Variants in FBL observed in about 807,000 individuals in gnomAD.
FBL encodes the protein fibrillarin rRNA 2'-O-methyltransferase.
A neutral mutation model predicts 42.2 loss-of-function variants in FBL; 10 were observed. The observed-to-expected ratio is 0.24, with a 90% CI of 0.15 to 0.40. The LOEUF (loss-of-function observed/expected upper bound fraction) is 0.40, where lower values mean the gene tolerates loss of function less well. FBL is among the 10% of genes least tolerant of loss of function. The probability of loss-of-function intolerance (pLI) is 1.00; values close to 1 mark genes in which losing one functional copy is unlikely to be tolerated. For synonymous variants in FBL, 165 were observed against 165.4 expected (o/e 1.00, Z 0.02); for missense variants, 351 against 439.2 (o/e 0.80, Z 1.79).
rs1007497658 is a variant in FBL at position 39,840,967 on chromosome 19, A to G, written c.11-180T>C. Among the ~76,000 whole-genome samples the G allele has an allele frequency of 1.3e-5, 2 of 152,260 alleles. No homozygotes were observed. Among genetic ancestry groups the G allele is most frequent in the Non-Finnish European group, 2.9e-5 (2 of 68,036 alleles). Reference sequence around the variant, plus strand: ...AAGACTAACCCAAATGTCCATCAATAGAATGGGCAAATAAAATAGAAGACA... The same window carrying G: ...AAGACTAACCCAAATGTCCATCAATGGAATGGGCAAATAAAATAGAAGACA... On this transcript the variant is annotated intron_variant, in intron 1 of 8. Coordinates refer to ENST00000221801, the MANE Select transcript of FBL (RefSeq NM_001436.4). The surrounding 1 kb of genome is among the most constrained non-coding windows in gnomAD (Gnocchi z 4.5).
chr19:39,842,089 CT>C (rs35883024), intron 1 of FBL, among the ~76,000 whole-genome samples: 217 of 142,750 alleles, frequency 1.5e-3, no homozygotes, highest in African/African-American at 2.3e-3. Context: ...CATAAGCTTG[CT>C]TTTTTTTTTT....
intron 1 of FBL, among the ~76,000 whole-genome samples, chr19:39,845,132 A>G (rs1028922505): frequency 6.6e-6 from 1 of 152,106 alleles, no homozygotes; most frequent in Non-Finnish European, 1.5e-5. Flanking sequence ...CCACACAAAC[A>G]CACACACAAA....
At chr19:39,835,689 C>G (rs1398851976) in intron 7 of FBL, among the ~76,000 whole-genome samples, 2 of 151,956 alleles carry the variant, frequency 1.3e-5, no homozygotes, top group Non-Finnish European at 2.9e-5. Flanking sequence ...ACTTTGGGAG[C>G]CTGAGACAGG....
At chr19:39,838,051 G>A in intron 5 of FBL, 1 of 515,480 alleles carries the variant, frequency 1.9e-6, no homozygotes, top group South Asian at 2.4e-5. Flanking sequence ...TCAGCAAGTA[G>A]CAAAAGTACC....
rs778901764 is a variant in FBL, at chr19:39,840,795, G to A, written c.11-8C>T. ...CCCCACGGGGACTGAATCCTGTGGG[G>A]GAAACAAAACAGGAGTCAGGGCAAT... is the stretch of plus-strand genomic sequence containing the variant. On this transcript the variant is annotated splice_region_variant and splice_polypyrimidine_tract_variant and intron_variant, in intron 1 of 8. Transcript: ENST00000221801. This position sits in a 1 kb window ranked among gnomAD's most constrained non-coding sequence, Gnocchi z 4.5. The A allele has an allele frequency of 2.6e-6, 4 of 1,534,676 alleles. No individual in the cohort carries two copies. The South Asian group carries it at 4.8e-5, about 19-fold the overall frequency.
intron 1 of FBL, among the ~76,000 whole-genome samples, chr19:39,844,176 A>G (rs944361112): frequency 6.6e-6 from 1 of 152,174 alleles, no homozygotes; most frequent in African/African-American, 2.4e-5. Context: ...TGAAACAGCA[A>G]CTCAGATCTC....
In FBL at chr19:39,840,794, G is replaced by A. The variant is rs1464054298; in HGVS notation, c.11-7C>T. The A allele has an allele frequency of 4.6e-6, 7 of 1,535,726 alleles. No individual in the cohort carries two copies. Among genetic ancestry groups the A allele is most frequent in the South Asian group, 2.4e-5 (2 of 82,720 alleles). ...CCCCCACGGGGACTGAATCCTGTGG[G>A]GGAAACAAAACAGGAGTCAGGGCAA... On this transcript the variant is annotated splice_region_variant and splice_polypyrimidine_tract_variant and intron_variant, in intron 1 of 8. Coordinates refer to ENST00000221801, the MANE Select transcript of FBL (RefSeq NM_001436.4). The surrounding 1 kb of genome is among the most constrained non-coding windows in gnomAD (Gnocchi z 4.5).
intron 1 of FBL, 72 bp downstream of exon 1, chr19:39,846,219 C>T: frequency 1.3e-6 from 2 of 1,588,490 alleles, no homozygotes; most frequent in Non-Finnish European, 1.7e-6. Context: ...CCCCACCCCT[C>T]CGATTCTGGC....
chr19:39,836,432 A>G, intron 7 of FBL, 124 bp downstream of exon 7: 1 of 594,172 alleles, frequency 1.7e-6, no homozygotes, highest in Non-Finnish European at 2.9e-6. Context: ...GCCTCTTTAA[A>G]TCCAAAGCTA....
At chr19:39,838,827 C>T (rs1263126651) in intron 5 of FBL, 10 of 543,880 alleles carry the variant, frequency 1.8e-5, no homozygotes, top group East Asian at 6.0e-5. Flanking sequence ...CCCACACCCA[C>T]GTCTCTTCCC....
rs550579932 is a variant in FBL at position 39,840,712 on chromosome 19, C to A, written c.86G>T (p.Gly29Val). 5.1e-6 allele frequency: 8 copies of A among 1,582,696 alleles called. No individual in the cohort carries two copies. The highest frequency in any genetic ancestry group is 6.9e-6 in the Non-Finnish European group (8 of 1,164,882). Reference sequence around the variant, plus strand: ...GCCTCGACCTCGGCCCCCGCCAAAGCCCCCTCGGCCTCCACGACCACCACG... The same window carrying A: ...GCCTCGACCTCGGCCCCCGCCAAAGACCCCTCGGCCTCCACGACCACCACG... The part of the protein sequence containing the change: ...GDRGGRGGRG[G>V]FGGGRGRGGG... Residue 29 changes from glycine (G) to valine (V), a missense_variant, in exon 2 of 9, where the codon GGC becomes GTC. Coordinates refer to ENST00000221801, the MANE Select transcript of FBL (RefSeq NM_001436.4). The surrounding 1 kb of genome is among the most constrained non-coding windows in gnomAD (Gnocchi z 4.5).
chr19:39,841,833 C>G (rs1158862678), intron 1 of FBL, among the ~76,000 whole-genome samples: 3 of 152,180 alleles, frequency 2.0e-5, no homozygotes, highest in Non-Finnish European at 4.4e-5. Context: ...TGCGACTTGT[C>G]AGTAAGATCG....
intron 1 of FBL, among the ~76,000 whole-genome samples, chr19:39,842,197 T>C (rs1461170332): frequency 6.6e-6 from 1 of 152,046 alleles, no homozygotes; most frequent in Non-Finnish European, 1.5e-5. Context: ...GCCTTTCTCC[T>C]GCCTCAGCCT....
At chr19:39,844,553 C>T (rs931762595) in intron 1 of FBL, among the ~76,000 whole-genome samples, 1 of 152,134 alleles carries the variant, frequency 6.6e-6, no homozygotes, top group African/African-American at 2.4e-5. Flanking sequence ...ATGGCAATTC[C>T]ATCCTTCCAG....
chr19:39,840,131 C>T lies in FBL; in HGVS notation c.378+102G>A. 1.2e-6 allele frequency: 1 copy of T among 811,888 alleles called. No homozygotes were observed. 50.3% of individuals were successfully genotyped at this position (811,888 alleles called of 1,614,324 possible). ...GTGTGGTTTACATATTATGACAATC[C>T]TCCAGCTGTCACGTGCAGGACACAT... On this transcript the variant is annotated intron_variant, in intron 4 of 8. Coordinates refer to ENST00000221801, the MANE Select transcript of FBL (RefSeq NM_001436.4). This position sits in a 1 kb window ranked among gnomAD's most constrained non-coding sequence, Gnocchi z 4.5.
intron 1 of FBL, 39 bp downstream of exon 1, chr19:39,846,252 G>A (rs777073749): frequency 5.6e-6 from 9 of 1,612,792 alleles, no homozygotes; most frequent in Non-Finnish European, 7.6e-6. Flanking sequence ...TTCCCGCCCG[G>A]CCTCCGTCCC....
chr19:39,839,197 A>G lies in FBL; in HGVS notation c.387T>C (p.Asp129=). 1 of 1,610,672 alleles carries G rather than the reference A, an allele frequency of 6.2e-7. No individual in the cohort carries two copies. Among genetic ancestry groups the G allele is most frequent in the East Asian group, 2.2e-5 (1 of 44,862 alleles). Residue 129 remains aspartate, a synonymous_variant, in exon 5 of 9, where the codon GAT becomes GAC. Coordinates refer to ENST00000221801, the MANE Select transcript of FBL (RefSeq NM_001436.4). ...TCCAGGCTCGGTACTCAATTTTGTCATCTCCTTCCTAGATGAGAGATGGGG... is the reference window on the plus strand; with the variant it reads ...TCCAGGCTCGGTACTCAATTTTGTCGTCTCCTTCCTAGATGAGAGATGGGG... The part of the protein sequence containing the change: ...GEKRVSISEG[D]DKIEYRAWNP...
At chr19:39,842,047 C>T (rs1281898535) in intron 1 of FBL, among the ~76,000 whole-genome samples, 3 of 151,678 alleles carry the variant, frequency 2.0e-5, no homozygotes, top group Non-Finnish European at 4.4e-5. Context: ...TTAAAATTAT[C>T]TCACATTCTC....
At chr19:39,834,894 C>A in intron 7 of FBL, 81 bp from the exon 8 acceptor site, 1 of 1,448,414 alleles carries the variant, frequency 6.9e-7, no homozygotes, top group Non-Finnish European at 9.6e-7. Flanking sequence ...CAGATGTTTT[C>A]ATTATTAATT....
Sources: gnomAD v4.1 joint callset for allele counts (sites outside exome capture counted in the v4.1 genomes callset) on GRCh38, gnomAD v4.1.1 for gene constraint, Gnocchi (gnomAD v3.1) non-coding constraint, MANE v1.5 for transcripts, NCBI Gene and HGNC (gene_info 2026-07-23, HGNC 2026-07-21) for gene names.